EPB41: variants seen among roughly 807,000 people sequenced by gnomAD.
EPB41 encodes the protein protein 4.1.
EPB41 carries 65 observed loss-of-function variants against 108.0 expected under a neutral mutation model. That is an observed-to-expected ratio of 0.60 (90% CI 0.49 to 0.74). EPB41 has a LOEUF of 0.74. EPB41 is among the 30% of genes least tolerant of loss of function. The pLI is 0.00. For missense variants in EPB41, 875 were observed against 1,037.0 expected, an observed-to-expected ratio of 0.84 and a Z score of 2.15; for synonymous variants, 336 against 358.9, an observed-to-expected ratio of 0.94 and a Z score of 0.72.
chr1:28,929,251 A>T (rs2093607979), intron 1 of EPB41, among the ~76,000 whole-genome samples: 1 of 148,798 alleles, frequency 6.7e-6, no homozygotes, highest in South Asian at 2.1e-4. Context: ...TTTGAGACAG[A>T]GTCTTGCTCT....
intron 1 of EPB41, among the ~76,000 whole-genome samples, chr1:28,974,879 C>T (rs2095567645): frequency 6.6e-6 from 1 of 151,716 alleles, no homozygotes; most frequent in Admixed American, 6.6e-5. Flanking sequence ...ACTGCAACCT[C>T]CGCCTCCCGG....
chr1:28,895,319 A>G (rs909316852), intron 1 of EPB41, among the ~76,000 whole-genome samples: 1 of 151,834 alleles, frequency 6.6e-6, no homozygotes, highest in Non-Finnish European at 1.5e-5. Context: ...GCTATTTTAG[A>G]CACATTATCT....
chr1:28,908,492 C>T, intron 1 of EPB41, among the ~76,000 whole-genome samples: 1 of 150,592 alleles, frequency 6.6e-6, no homozygotes, highest in Non-Finnish European at 1.5e-5. Flanking sequence ...AGTGCAGTGG[C>T]ATGATCTCGT....
chr1:29,065,314 T>A, intron 16 of EPB41, 156 bp downstream of exon 16: 2 of 1,342,398 alleles, frequency 1.5e-6, no homozygotes, highest in Non-Finnish European at 1.9e-6. Context: ...AATCAAATAT[T>A]TATTTTTTTT....
chr1:29,036,058 A>T, intron 10 of EPB41, 135 bp downstream of exon 10: 1 of 678,876 alleles, frequency 1.5e-6, no homozygotes, highest in Non-Finnish European at 2.5e-6. Flanking sequence ...CTTAAGCAAG[A>T]CAAAATGAAT....
intron 1 of EPB41, among the ~76,000 whole-genome samples, chr1:28,956,323 G>A (rs538868123): frequency 9.2e-4 from 140 of 152,238 alleles, no homozygotes; most frequent in African/African-American, 3.3e-3. Context: ...AAATAACAAA[G>A]GCAACAAAGG....
At chr1:29,059,130 C>T (rs1030977006) in intron 14 of EPB41, among the ~76,000 whole-genome samples, 2 of 152,052 alleles carry the variant, frequency 1.3e-5, no homozygotes, top group African/African-American at 2.4e-5. Flanking sequence ...CAAAAATTAG[C>T]CAGGCGTGTT....
intron 16 of EPB41, among the ~76,000 whole-genome samples, chr1:29,090,328 A>C (rs897597690): frequency 6.6e-6 from 1 of 152,224 alleles, no homozygotes; most frequent in Non-Finnish European, 1.5e-5. Context: ...AAATGGAATA[A>C]AAATGCCTTG....
intron 1 of EPB41, among the ~76,000 whole-genome samples, chr1:28,973,376 C>T (rs1233187669): frequency 6.6e-6 from 1 of 151,870 alleles, no homozygotes; most frequent in Non-Finnish European, 1.5e-5. Context: ...TATAACTATT[C>T]TAATGTCCCT....
At chr1:28,992,121 A>G (rs1406135474) in intron 2 of EPB41, among the ~76,000 whole-genome samples, 2 of 152,232 alleles carry the variant, frequency 1.3e-5, no homozygotes, top group African/African-American at 4.8e-5. Flanking sequence ...TAGAGCGGGC[A>G]TAGATAGATA....
chr1:29,028,731 C>T (rs2096752259), intron 7 of EPB41, among the ~76,000 whole-genome samples: 1 of 152,152 alleles, frequency 6.6e-6, no homozygotes, highest in Admixed American at 6.5e-5. Context: ...AAACTTCAAG[C>T]TCCTTTCCAG....
At chr1:28,958,379 T>C (rs1353087551) in intron 1 of EPB41, among the ~76,000 whole-genome samples, 1 of 151,748 alleles carries the variant, frequency 6.6e-6, no homozygotes, top group Admixed American at 6.6e-5. Flanking sequence ...GCCTGGGAGA[T>C]TGAAGTGGCA....
Position 28,987,558 on chromosome 1 carries a change from A to G in EPB41, c.121A>G (p.Thr41Ala). The G allele has an allele frequency of 6.2e-7, 1 of 1,614,180 alleles. No homozygotes were observed. The highest frequency in any genetic ancestry group is 1.1e-5 in the South Asian group (1 of 91,084). The change falls in exon 2 of 21, where the codon ACA becomes GCA. Residue 41 changes from threonine (T) to alanine (A), a missense_variant. Physicochemically the swap from Thr to Ala is moderately conservative, Grantham distance 58 (BLOSUM62 0). Around this residue, in one of 3 missense-constraint regions of EPB41, gnomAD observed 353 missense variants for 393.2 expected, o/e 0.90. Coordinates refer to ENST00000343067, the MANE Select transcript of EPB41 (RefSeq NM_001376013.1). ...ACCTCAGCAGGAGGAATCTTGTCAA[A>G]CAGCAGCTGAAGGAGATAATTGGTG... is the stretch of plus-strand genomic sequence containing the variant. ...QEPQQEESCQ[T>A]AAEGDNWCEQ...
intron 1 of EPB41, among the ~76,000 whole-genome samples, chr1:28,962,135 A>G (rs2095235194): frequency 6.6e-6 from 1 of 151,348 alleles, no homozygotes; most frequent in Admixed American, 6.6e-5. Context: ...ATCTTGGCTC[A>G]CTACAACCTC....
intron 4 of EPB41, among the ~76,000 whole-genome samples, chr1:28,998,402 C>T (rs982041478): frequency 1.2e-4 from 18 of 152,062 alleles, no homozygotes; most frequent in African/African-American, 4.3e-4. Flanking sequence ...AGTGGGGAAT[C>T]GTGGAGAGAG....
At position 28,987,168 on chromosome 1, in the gene EPB41, A is replaced by C. The variant is rs566486328; in HGVS notation, c.-7-263A>C. On this transcript the variant is annotated intron_variant, in intron 1 of 20. Coordinates refer to ENST00000343067, the MANE Select transcript of EPB41 (RefSeq NM_001376013.1). ...TTGGATTTAATATGTGATGTATTTC[A>C]CTAAGGTGGCCTCCGTGGGTACTAT... is the stretch of plus-strand genomic sequence containing the variant. Among the ~76,000 whole-genome samples, 22 of 152,302 alleles carry C rather than the reference A, an allele frequency of 1.4e-4. 1 individual carries two copies. The South Asian group carries it at 2.3e-3, about 16-fold the overall frequency.
chr1:28,978,059 G>C (rs1441881277), intron 1 of EPB41, among the ~76,000 whole-genome samples: 1 of 150,252 alleles, frequency 6.7e-6, no homozygotes, highest in Non-Finnish European at 1.5e-5. Context: ...ATACTGCATT[G>C]TTTGAATTCC....
At chr1:28,892,025 G>A (rs552315911) in intron 1 of EPB41, among the ~76,000 whole-genome samples, 19 of 148,772 alleles carry the variant, frequency 1.3e-4, no homozygotes, top group Middle Eastern at 3.6e-3. Flanking sequence ...CCGAGGAGGC[G>A]GAGGTTGCAG....
At chr1:28,900,583 T>C (rs371220072) in intron 1 of EPB41, among the ~76,000 whole-genome samples, 54 of 152,120 alleles carry the variant, frequency 3.5e-4, no homozygotes, top group African/African-American at 1.3e-3. Flanking sequence ...CCACTGTGCC[T>C]GGCTGGATCA....
Sources: allele counts gnomAD v4.1 joint callset (sites outside exome capture counted in the v4.1 genomes callset), GRCh38; gene constraint gnomAD v4.1.1; regional missense constraint gnomAD v4.1.1; transcripts MANE v1.5; gene names NCBI Gene and HGNC (gene_info 2026-07-23, HGNC 2026-07-21).